Variants in COG1 observed in about 807,000 individuals in gnomAD.
The protein encoded by COG1 is conserved oligomeric Golgi complex subunit 1.
In COG1, 61 loss-of-function variants were observed where a neutral mutation model predicts 102.2. The observed-to-expected ratio is 0.60, with a 90% CI of 0.49 to 0.74. The LOEUF is 0.74. Ranked by LOEUF, COG1 falls within the 30% of genes least tolerant of loss-of-function variation. The pLI is 0.00. For synonymous variants in COG1, 454 were observed against 493.6 expected (o/e 0.92, Z 1.06); for missense variants, 1,164 against 1,232.1 (o/e 0.94, Z 0.83).
intron 5 of COG1, 42 bp from the exon 6 acceptor site, chr17:73,200,524 C>T: frequency 6.6e-7 from 1 of 1,518,370 alleles, no homozygotes; most frequent in Non-Finnish European, 9.1e-7. Flanking sequence ...GATGTGAACA[C>T]CATGCCTCTG....
chr17:73,204,122 C>T (rs760542415), intron 9 of COG1, among the ~76,000 whole-genome samples: 45 of 152,198 alleles, frequency 3.0e-4, no homozygotes, highest in Non-Finnish European at 2.6e-4. Context: ...TATCATCTCA[C>T]CACTGCACTC....
Position 73,201,278 on chromosome 17 carries a change from C to CT in COG1, c.1453dup (p.Ser485PhefsTer17). 1.9e-6 allele frequency: 3 copies of CT among 1,614,232 alleles called. No individual in the cohort carries two copies. Among genetic ancestry groups the CT allele is most frequent in the Non-Finnish European group, 2.5e-6 (3 of 1,180,040 alleles). Reference sequence around the variant, plus strand: ...TGGTCTGAGAGTCCTAATGACCTGCCTTCCGATGCGGCCTGGGTCAGCGTG... The same window carrying CT: ...TGGTCTGAGAGTCCTAATGACCTGCCTTTCCGATGCGGCCTGGGTCAGCGTG... On this transcript the variant is annotated frameshift_variant, in exon 7 of 14. Transcript: ENST00000299886. LOFTEE classifies it high-confidence loss of function.
rs1207156954 is a variant in COG1, at chr17:73,201,528, G to C, written c.1701G>C (p.Gln567His). 6.2e-7 allele frequency: 1 copy of C among 1,614,280 alleles called. No individual in the cohort carries two copies. Among genetic ancestry groups the C allele is most frequent in the South Asian group, 1.1e-5 (1 of 91,090 alleles). The change falls in exon 7 of 14, where the codon CAG becomes CAC. Residue 567 changes from glutamine (Q) to histidine (H), a missense_variant. Transcript: ENST00000299886. ...GATACGCAGATGCGGGGACCGTGCA[G>C]GAGATGCTGCGGACTCAGTCCGTGG... ...FDRYADAGTV[Q>H]EMLRTQSVAC... is the part of the protein sequence containing the mutation.
chr17:73,206,099 G>A, intron 10 of COG1, 55 bp from the exon 11 acceptor site: 2 of 1,350,812 alleles, frequency 1.5e-6, no homozygotes, highest in South Asian at 2.3e-5. Context: ...GATATCATAA[G>A]ATTGTTTTTG....
intron 6 of COG1, 66 bp from the exon 7 acceptor site, chr17:73,201,043 G>A: frequency 7.1e-7 from 1 of 1,401,192 alleles, no homozygotes; most frequent in Non-Finnish European, 1.0e-6. Context: ...ATTACCATTT[G>A]GTACTTTTGT....
chr17:73,196,298 C>T (rs1314599194), intron 1 of COG1, among the ~76,000 whole-genome samples: 2 of 152,132 alleles, frequency 1.3e-5, no homozygotes, highest in Non-Finnish European at 2.9e-5. Context: ...AAAATGCACG[C>T]GTGTGTAGGA....
intron 8 of COG1, 138 bp from the exon 9 acceptor site, chr17:73,203,494 C>G (rs1568297682): frequency 1.9e-6 from 2 of 1,039,354 alleles, no homozygotes; most frequent in Non-Finnish European, 1.5e-6. Context: ...GTCTGCTGAA[C>G]AGTCTGCCTG....
At chr17:73,198,407 G>A (rs983198667) in intron 4 of COG1, among the ~76,000 whole-genome samples, 1 of 152,174 alleles carries the variant, frequency 6.6e-6, no homozygotes, top group East Asian at 1.9e-4. Flanking sequence ...GGGCAGCATA[G>A]TGAGACCCCA....
chr17:73,193,393 C>T lies in COG1; in HGVS notation c.315+9C>T. ...CACCGCGGGCCCAGCAGGTCAGTCC[C>T]CGTGCCCCCACCCTGCGACCCGCAG... On this transcript the variant is annotated intron_variant, in intron 1 of 13. Transcript: ENST00000299886. 7.0e-7 allele frequency: 1 copy of T among 1,427,372 alleles called. No homozygotes were observed. The highest frequency in any genetic ancestry group is 2.8e-5 in the East Asian group (1 of 36,120). 88.4% of individuals were successfully genotyped at this position (1,427,372 alleles called of 1,614,324 possible). A position where few individuals can be genotyped will look rare whatever the true frequency, so the allele number is the denominator to read the frequency against.
chr17:73,196,833 G>A, intron 2 of COG1, 67 bp from the exon 3 acceptor site: 1 of 1,613,630 alleles, frequency 6.2e-7, no homozygotes, highest in Non-Finnish European at 8.5e-7. Flanking sequence ...CTTCTTTCCT[G>A]ATGTACCAAA....
At chr17:73,207,714 T>C in intron 13 of COG1, 2 of 1,291,994 alleles carry the variant, frequency 1.5e-6, no homozygotes, top group Non-Finnish European at 1.0e-6. Flanking sequence ...CGATGCCAAC[T>C]GTTAAGCCTG....
rs751180159 is a variant in COG1, at chr17:73,208,487, TACC to T, written c.*39_*41del. On this transcript the variant is annotated 3_prime_UTR_variant, in exon 14 of 14. Transcript: ENST00000299886. ...CATCTGTCTCTCCCTAAATAAATAC[TACC>T]ACATTATTTCTTCTAAAGGTGCCTC... 3 of 1,604,592 alleles carry T rather than the reference TACC, an allele frequency of 1.9e-6. No homozygotes were observed. Among genetic ancestry groups the T allele is most frequent in the Non-Finnish European group, 8.5e-7 (1 of 1,172,366 alleles).
At position 73,199,960 on chromosome 17, in the gene COG1, A is replaced by G. The variant is rs771219802; in HGVS notation, c.1009A>G (p.Thr337Ala). ...SIVEFQPTLR[T>A]LAHPISQEYL... ...CGTCGAGTTCCAGCCAACACTCCGA[A>G]CCCTTGCACATCCCATCAGTCAGGA... is the stretch of plus-strand genomic sequence containing the variant. The change falls in exon 5 of 14, where the codon ACC becomes GCC. Residue 337 changes from threonine to alanine, a missense_variant. Physicochemically the swap from Thr to Ala is moderately conservative, Grantham distance 58. Transcript: ENST00000299886. The G allele has an allele frequency of 1.2e-6, 2 of 1,614,084 alleles. No individual in the cohort carries two copies. The highest frequency in any genetic ancestry group is 2.2e-5 in the South Asian group (2 of 91,062).
Position 73,196,767 on chromosome 17 carries a change from G to T in COG1, c.560+16G>T. The T allele has an allele frequency of 6.2e-7, 1 of 1,614,074 alleles. No individual in the cohort carries two copies. Among genetic ancestry groups the T allele is most frequent in the South Asian group, 1.1e-5 (1 of 91,084 alleles). ...GCCACTTCCGGTAAGTGGATCCAGC[G>T]CAAAGAGCTGCTCTGGTGGTGGCCA... On this transcript the variant is annotated intron_variant, in intron 2 of 13. Transcript: ENST00000299886.
At chr17:73,207,038 A>G (rs2061378072) in intron 12 of COG1, 143 bp from the exon 13 acceptor site, 1 of 751,576 alleles carries the variant, frequency 1.3e-6, no homozygotes, top group Non-Finnish European at 2.2e-6. Context: ...GCTTGCAGTG[A>G]GCCGAGATTG....
chr17:73,205,471 C>G (rs1345627579), intron 9 of COG1, 82 bp from the exon 10 acceptor site: 46 of 1,503,486 alleles, frequency 3.1e-5, no homozygotes, highest in Non-Finnish European at 4.0e-5. Context: ...AGCTGAAACT[C>G]AACCAAAACT....
intron 1 of COG1, 83 bp downstream of exon 1, chr17:73,193,467 T>C: frequency 7.5e-7 from 1 of 1,339,354 alleles, no homozygotes; most frequent in Non-Finnish European, 9.6e-7. Flanking sequence ...CCCCCCTCTG[T>C]CAGTCCCAGA....
chr17:73,206,873 T>A, intron 12 of COG1, 56 bp downstream of exon 12: 3 of 1,226,964 alleles, frequency 2.4e-6, no homozygotes, highest in Non-Finnish European at 2.4e-6. Context: ...GGTGGACGGA[T>A]CACGTCAGGA....
chr17:73,194,352 G>A (rs2061316518), intron 1 of COG1, among the ~76,000 whole-genome samples: 1 of 139,518 alleles, frequency 7.2e-6, no homozygotes, highest in Non-Finnish European at 1.6e-5. Flanking sequence ...TGAGGCAGGA[G>A]AATGGCATGA....
Sources: allele counts gnomAD v4.1 joint callset (sites outside exome capture counted in the v4.1 genomes callset), GRCh38; gene constraint gnomAD v4.1.1; transcripts MANE v1.5; gene names NCBI Gene and HGNC (gene_info 2026-07-23, HGNC 2026-07-21).